SLC8A1: variants seen among roughly 807,000 people sequenced by gnomAD.
SLC8A1 encodes sodium/calcium exchanger 1.
A neutral mutation model predicts 68.3 loss-of-function variants in SLC8A1; 18 were observed. The observed-to-expected ratio is 0.26, with a 90% CI of 0.18 to 0.39. SLC8A1 has a LOEUF of 0.39. SLC8A1 is among the 10% of genes least tolerant of loss of function. The pLI is 1.00. For missense variants in SLC8A1, 985 were observed against 1,156.7 expected (o/e 0.85, Z 2.15); for synonymous variants, 475 against 415.5 (o/e 1.14, Z -1.74).
intron 2 of SLC8A1, among the ~76,000 whole-genome samples, chr2:40,202,988 A>G (rs888330499): frequency 6.6e-6 from 1 of 152,000 alleles, no homozygotes; most frequent in African/African-American, 2.4e-5. Flanking sequence ...ATGACAGACT[A>G]TGTTGAGGAA....
Position 40,200,251 on chromosome 2 carries a change from T to TATAAATAA in SLC8A1, c.1809-22397_1809-22396insTTATTTAT, listed in dbSNP as rs1553408025. Among the ~76,000 whole-genome samples the TATAAATAA allele has an allele frequency of 8.5e-4, 58 of 68,496 alleles. 6 individuals are homozygous for TATAAATAA. The highest frequency in any genetic ancestry group is 1.3e-3 in the African/African-American group (24 of 17,858). 44.9% of individuals were successfully genotyped at this position (68,496 alleles called of 152,430 possible). A position where few individuals can be genotyped will look rare whatever the true frequency, so the allele number is the denominator to read the frequency against. ...ATATATATATATAAATATATATATA[T>TATAAATAA]ATATATATATATATATAACCTCTTT... On this transcript the variant is annotated intron_variant, in intron 2 of 7. Coordinates refer to ENST00000406785, the Ensembl canonical transcript of SLC8A1.
At chr2:40,159,352 A>G (rs2045242975) in intron 6 of SLC8A1, among the ~76,000 whole-genome samples, 1 of 152,212 alleles carries the variant, frequency 6.6e-6, no homozygotes, top group South Asian at 2.1e-4. Context: ...AAACGAAGGA[A>G]TGATGGCCAG....
At chr2:40,323,076 C>A (rs1048531017) in intron 2 of SLC8A1, among the ~76,000 whole-genome samples, 3 of 152,110 alleles carry the variant, frequency 2.0e-5, no homozygotes, top group Admixed American at 2.0e-4. Flanking sequence ...AGATTACTGA[C>A]AGAAGGTAGG....
At chr2:40,323,423 G>A (rs1458099000) in intron 2 of SLC8A1, among the ~76,000 whole-genome samples, 1 of 152,120 alleles carries the variant, frequency 6.6e-6, no homozygotes, top group South Asian at 2.1e-4. Context: ...TTTAAAAAAG[G>A]TCAATTTCCT....
chr2:40,279,768 T>C (rs2067243482), intron 2 of SLC8A1, among the ~76,000 whole-genome samples: 1 of 152,222 alleles, frequency 6.6e-6, no homozygotes. Flanking sequence ...GAAAAGTTGG[T>C]ACATTCTGTT....
At chr2:40,261,024 G>C (rs1028549383) in intron 2 of SLC8A1, among the ~76,000 whole-genome samples, 3 of 152,176 alleles carry the variant, frequency 2.0e-5, no homozygotes, top group Non-Finnish European at 2.9e-5. Flanking sequence ...GACTCCTACA[G>C]TTTTTCTTTA....
At chr2:40,360,908 G>T (rs1216290327) in intron 2 of SLC8A1, among the ~76,000 whole-genome samples, 2 of 152,056 alleles carry the variant, frequency 1.3e-5, no homozygotes, top group Admixed American at 6.6e-5. Flanking sequence ...ATCATTCAAG[G>T]ATAAATTGTG....
intron 2 of SLC8A1, among the ~76,000 whole-genome samples, chr2:40,196,610 G>A (rs2053084757): frequency 6.6e-6 from 1 of 151,976 alleles, no homozygotes; most frequent in Non-Finnish European, 1.5e-5. Context: ...TATATCTAAT[G>A]CAATGATCCA....
chr2:40,155,508 C>G (rs1211718658), intron 6 of SLC8A1, among the ~76,000 whole-genome samples: 1 of 152,064 alleles, frequency 6.6e-6, no homozygotes, highest in Non-Finnish European at 1.5e-5. Context: ...GACAATTTCC[C>G]CATAGTAATG....
chr2:40,237,960 G>A (rs997483566), intron 2 of SLC8A1, among the ~76,000 whole-genome samples: 20 of 151,658 alleles, frequency 1.3e-4, no homozygotes, highest in South Asian at 2.1e-4. Context: ...CAGTCTGCCC[G>A]TTCTCAGATC....
intron 4 of SLC8A1, among the ~76,000 whole-genome samples, chr2:40,168,315 T>C (rs972245362): frequency 2.0e-5 from 3 of 151,994 alleles, no homozygotes; most frequent in Non-Finnish European, 4.4e-5. Flanking sequence ...ATATAGAAGA[T>C]TGCCGCCCGG....
At chr2:40,304,213 GCCCTTCAGAGATGTCCT>G (rs1330788444) in intron 2 of SLC8A1, among the ~76,000 whole-genome samples, 1 of 152,106 alleles carries the variant, frequency 6.6e-6, no homozygotes, top group African/African-American at 2.4e-5. Flanking sequence ...GTCATAACTG[GCCCTTCAGAGATGTCCT>G]TCCAGCTAGT....
chr2:40,321,389 T>C (rs1428983009), intron 2 of SLC8A1, among the ~76,000 whole-genome samples: 1 of 152,092 alleles, frequency 6.6e-6, no homozygotes, highest in Non-Finnish European at 1.5e-5. Context: ...AACCTCAAGA[T>C]TTGCATGCTA....
chr2:40,157,126 T>C (rs1184420341), intron 6 of SLC8A1, among the ~76,000 whole-genome samples: 2 of 152,234 alleles, frequency 1.3e-5, no homozygotes, highest in African/African-American at 2.4e-5. Flanking sequence ...ATTAATTAAA[T>C]TGAATTAACT....
At chr2:40,183,772 C>T (rs982855360) in intron 2 of SLC8A1, among the ~76,000 whole-genome samples, 2 of 152,176 alleles carry the variant, frequency 1.3e-5, no homozygotes, top group African/African-American at 2.4e-5. Flanking sequence ...ATTAGAATCA[C>T]CTGTGGGATT....
intron 2 of SLC8A1, among the ~76,000 whole-genome samples, chr2:40,402,613 G>A (rs938279410): frequency 6.6e-6 from 1 of 152,160 alleles, no homozygotes; most frequent in Non-Finnish European, 1.5e-5. Flanking sequence ...GTGATAAACA[G>A]AACTTCAAAT....
chr2:40,191,207 TC>T (rs2051758310), intron 2 of SLC8A1, among the ~76,000 whole-genome samples: 1 of 152,196 alleles, frequency 6.6e-6, no homozygotes, highest in African/African-American at 2.4e-5. Context: ...TTTTCTGCTT[TC>T]TGCTGCTACT....
At chr2:40,279,574 C>A (rs1297323139) in intron 2 of SLC8A1, among the ~76,000 whole-genome samples, 1 of 152,188 alleles carries the variant, frequency 6.6e-6, no homozygotes. Flanking sequence ...AACCAACCAA[C>A]TTTCATTGCA....
In SLC8A1 at chr2:40,128,314, T is replaced by C. The variant is rs116289034; in HGVS notation, c.2437+11087A>G. On this transcript the variant is annotated intron_variant, in intron 7 of 7. Transcript: ENST00000406785. ...ATGGCAATGAAGTTTTGCTTTCTTA[T>C]AGCCCCTATTTTCTTCTCTTGCATT... 5.2e-3 allele frequency among the ~76,000 whole-genome samples: 786 copies of C among 152,362 alleles called. 6 individuals are homozygous for C. The highest frequency in any genetic ancestry group is 7.5e-3 in the Non-Finnish European group (512 of 68,028).
Sources: gnomAD v4.1 joint callset for allele counts (sites outside exome capture counted in the v4.1 genomes callset) on GRCh38, gnomAD v4.1.1 for gene constraint, MANE v1.5 for transcripts, NCBI Gene and HGNC (gene_info 2026-07-23, HGNC 2026-07-21) for gene names.